The following MRPS21 variants were observed in gnomAD, a reference collection of about 807,000 sequenced individuals.
The protein encoded by MRPS21 is small ribosomal subunit protein bS21m.
Under a neutral mutation model 9.9 loss-of-function variants are expected in MRPS21, and 8 were observed. The ratio of observed to expected loss-of-function variants is 0.81; its 90% CI spans 0.47 to 1.45. The LOEUF is 1.45. MRPS21 is among the 40% of genes most tolerant of loss of function. The probability of loss-of-function intolerance (pLI) is 0.00; values close to 1 mark genes in which losing one functional copy is unlikely to be tolerated. For missense variants in MRPS21, 101 were observed against 118.9 expected (o/e 0.85, Z 0.70); for synonymous variants, 40 against 40.3 (o/e 0.99, Z 0.03).
chr1:150,299,045 G>A (rs1314037759), intron 2 of MRPS21, among the ~76,000 whole-genome samples: 5 of 152,002 alleles, frequency 3.3e-5, no homozygotes, highest in South Asian at 4.1e-4. Flanking sequence ...GCGAAACCCC[G>A]TCTTTACTAA....
chr1:150,305,281 C>G (rs990070648), intron 2 of MRPS21, among the ~76,000 whole-genome samples: 2 of 152,070 alleles, frequency 1.3e-5, no homozygotes, highest in African/African-American at 4.8e-5. Context: ...TCAAGTGATC[C>G]TCCCAGCTCG....
intron 2 of MRPS21, among the ~76,000 whole-genome samples, chr1:150,299,199 C>A (rs1553857140): frequency 6.6e-6 from 1 of 152,098 alleles, no homozygotes; most frequent in Admixed American, 6.6e-5. Context: ...CCCATTTACA[C>A]CTAAAATTTG....
intron 2 of MRPS21, chr1:150,303,898 T>A (rs1359386916): frequency 1.1e-5 from 5 of 455,984 alleles, no homozygotes; most frequent in African/African-American, 4.0e-5. Flanking sequence ...ATACATTTCC[T>A]AGTTGTTCTT....
At chr1:150,307,962 G>A (rs1654404254) in intron 2 of MRPS21, 86 bp from the exon 3 acceptor site, 1 of 1,265,612 alleles carries the variant, frequency 7.9e-7, no homozygotes, top group East Asian at 2.4e-5. Context: ...AATACCAATT[G>A]TTTGGTCAAT....
chr1:150,298,727 G>A (rs1553857056), intron 2 of MRPS21, among the ~76,000 whole-genome samples: 3 of 151,974 alleles, frequency 2.0e-5, no homozygotes, highest in South Asian at 4.1e-4. Flanking sequence ...TCAGCCTCCC[G>A]AGTAGCTGGG....
At chr1:150,306,526 A>G (rs1375938671) in intron 2 of MRPS21, among the ~76,000 whole-genome samples, 1 of 137,862 alleles carries the variant, frequency 7.3e-6, no homozygotes, top group African/African-American at 2.8e-5. Flanking sequence ...ATGGAGTTTC[A>G]CTCTTGTTGC....
chr1:150,303,474 A>T (rs782301351), intron 2 of MRPS21, among the ~76,000 whole-genome samples: 4 of 152,138 alleles, frequency 2.6e-5, no homozygotes, highest in Non-Finnish European at 5.9e-5. Context: ...CTTTACTCTG[A>T]TTGAAGAGTC....
rs587724124 is a variant in MRPS21, at chr1:150,299,765, T to A, written c.83+5316T>A. Among the ~76,000 whole-genome samples the A allele has an allele frequency of 7.9e-4, 121 of 152,260 alleles. No individual in the cohort carries two copies. In the South Asian group the frequency reaches 8.1e-3, roughly 10 times the overall value. ...CCACCACACCCAGCCCACATACTAC[T>A]TTTATGGTTCTCTTTTTGTTGGTGA... On this transcript the variant is annotated intron_variant, in intron 2 of 2. Coordinates refer to ENST00000614145, the MANE Select transcript of MRPS21 (RefSeq NM_031901.6).
At chr1:150,302,281 A>G (rs1056341466) in intron 2 of MRPS21, among the ~76,000 whole-genome samples, 1 of 152,178 alleles carries the variant, frequency 6.6e-6, no homozygotes, top group African/African-American at 2.4e-5. Flanking sequence ...GTGTCTGTCC[A>G]GTGAGGCCAC....
chr1:150,294,907 A>AAAAAG (rs1374144043), intron 2 of MRPS21, among the ~76,000 whole-genome samples: 3 of 150,710 alleles, frequency 2.0e-5, no homozygotes, highest in African/African-American at 7.3e-5. Context: ...AAAAAAAAAG[A>AAAAAG]AAAAAAGTTC....
Position 150,308,962 on chromosome 1 carries a change from A to G in MRPS21, c.*734A>G, listed in dbSNP as rs1654457048. The G allele has an allele frequency of 6.5e-6, 1 of 153,658 alleles. No individual in the cohort carries two copies. Among genetic ancestry groups the G allele is most frequent in the East Asian group, 2.0e-4 (1 of 5,114 alleles). The allele number at this position is 153,658 out of a possible 1,614,324, so 9.5% of individuals were successfully genotyped here. On this transcript the variant is annotated 3_prime_UTR_variant, in exon 3 of 3. Transcript: ENST00000614145. The stretch of plus-strand genomic sequence containing the variant: ...GTAAATTTTGTGTTTTACTACAATA[A>G]AAACTTTTTTGAAAGTCCAGGAGAA...
chr1:150,298,045 T>A (rs1653981207), intron 2 of MRPS21, among the ~76,000 whole-genome samples: 1 of 152,098 alleles, frequency 6.6e-6, no homozygotes, highest in African/African-American at 2.4e-5. Context: ...GCGTTTCTCC[T>A]GCCTCAGCCT....
rs1295918408 is a variant in MRPS21, at chr1:150,295,036, C to T, written c.83+587C>T. 2.7e-5 allele frequency among the ~76,000 whole-genome samples: 4 copies of T among 146,872 alleles called. No homozygotes were observed. The East Asian group carries it at 8.0e-4, about 29-fold the overall frequency. ...TTTGAGGCAGAGTCTCGCTCTGTCA[C>T]CCAGGCTGGAGTGCAGCGGCACGAT... On this transcript the variant is annotated intron_variant, in intron 2 of 2. Transcript: ENST00000614145.
In MRPS21 at chr1:150,308,354, G is replaced by A. The variant is rs1257295867; in HGVS notation, c.*126G>A. On this transcript the variant is annotated 3_prime_UTR_variant, in exon 3 of 3. Transcript: ENST00000614145. ...ACTCAAATCACATGTCTGCAAGAAGGCCTCCAAATATAGAAACAATCCCAT... is the reference window on the plus strand; with the variant it reads ...ACTCAAATCACATGTCTGCAAGAAGACCTCCAAATATAGAAACAATCCCAT... 6 of 953,228 alleles carry A rather than the reference G, an allele frequency of 6.3e-6. No homozygotes were observed. Among genetic ancestry groups the A allele is most frequent in the Non-Finnish European group, 9.0e-6 (6 of 667,820 alleles). The allele number at this position is 953,228 out of a possible 1,614,324, so 59.0% of individuals were successfully genotyped here. A position where few individuals can be genotyped will look rare whatever the true frequency, so the allele number is the denominator to read the frequency against.
At chr1:150,295,913 G>T (rs1653899176) in intron 2 of MRPS21, among the ~76,000 whole-genome samples, 1 of 151,218 alleles carries the variant, frequency 6.6e-6, no homozygotes. Context: ...GAAAATTTTT[G>T]AATGCCAGGC....
Position 150,304,741 on chromosome 1 carries a change from G to A in MRPS21, c.84-3307G>A, listed in dbSNP as rs782196751. 6 of 150,284 alleles carry A rather than the reference G, an allele frequency of 4.0e-5. No homozygotes were observed. The South Asian group carries it at 4.6e-4, about 12-fold the overall frequency. 9.3% of individuals were successfully genotyped at this position (150,284 alleles called of 1,614,324 possible). On this transcript the variant is annotated intron_variant, in intron 2 of 2. Coordinates refer to ENST00000614145, the MANE Select transcript of MRPS21 (RefSeq NM_031901.6). The stretch of plus-strand genomic sequence containing the variant: ...CTGCAACTCCTGCCTGGGCAACAGA[G>A]CGAGACTCTGTCTCAAAAAAAAAAA...
chr1:150,295,026 C>T (rs758920150), intron 2 of MRPS21, among the ~76,000 whole-genome samples: 233 of 141,512 alleles, frequency 1.6e-3, no homozygotes, highest in South Asian at 5.1e-3. Context: ...GGCAGAGTCT[C>T]GCTCTGTCAC....
At position 150,305,937 on chromosome 1, in the gene MRPS21, T is replaced by C. The variant is rs376117749; in HGVS notation, c.84-2111T>C. 1.8e-4 allele frequency among the ~76,000 whole-genome samples: 28 copies of C among 152,280 alleles called. No individual in the cohort carries two copies. In the East Asian group the frequency reaches 3.7e-3, roughly 20 times the overall value. On this transcript the variant is annotated intron_variant, in intron 2 of 2. Transcript: ENST00000614145. ...AATCTGTCTGTACATTGGAATCACCTTGGAAACTGAAAAACCTGCTCATGT... is the reference window on the plus strand; with the variant it reads ...AATCTGTCTGTACATTGGAATCACCCTGGAAACTGAAAAACCTGCTCATGT...
intron 2 of MRPS21, among the ~76,000 whole-genome samples, chr1:150,300,483 CT>C (rs1369482876): frequency 6.6e-6 from 1 of 152,116 alleles, no homozygotes; most frequent in Non-Finnish European, 1.5e-5. Context: ...GTTCCTTTAT[CT>C]TTTTTGTCAC....
Sources: gnomAD v4.1 joint callset for allele counts (sites outside exome capture counted in the v4.1 genomes callset) on GRCh38, gnomAD v4.1.1 for gene constraint, MANE v1.5 for transcripts, NCBI Gene and HGNC (gene_info 2026-07-23, HGNC 2026-07-21) for gene names.